The following TMEM132C variants were observed in gnomAD, a reference collection of about 807,000 sequenced individuals.
TMEM132C encodes the protein transmembrane protein 132C.
TMEM132C carries 29 observed loss-of-function variants against 61.4 expected under a neutral mutation model. The ratio of observed to expected loss-of-function variants is 0.47; its 90% CI spans 0.35 to 0.64. The LOEUF (loss-of-function observed/expected upper bound fraction) is 0.64. Among genes scored for constraint, TMEM132C ranks in the 30% least tolerant of loss-of-function variants. The probability of loss-of-function intolerance (pLI) is 0.00; values close to 1 mark genes in which losing one functional copy is unlikely to be tolerated. For synonymous variants in TMEM132C, 656 were observed against 633.1 expected, an observed-to-expected ratio of 1.04 and a Z score of -0.54; for missense variants, 1,408 against 1,476.9, an observed-to-expected ratio of 0.95 and a Z score of 0.76.
At chr12:128,670,190 A>G (rs7966189) in intron 5 of TMEM132C, among the ~76,000 whole-genome samples, 47,432 of 152,008 alleles carry the variant, frequency 0.31, 7,809 homozygotes, top group African/African-American at 0.43. Flanking sequence ...CACACCTGTA[A>G]TCCCAGTACT....
intron 2 of TMEM132C, among the ~76,000 whole-genome samples, chr12:128,531,305 G>T (rs1304388534): frequency 6.6e-6 from 1 of 152,200 alleles, no homozygotes; most frequent in African/African-American, 2.4e-5. Context: ...AATGGTAAAA[G>T]GCAGCAAAAG....
intron 1 of TMEM132C, among the ~76,000 whole-genome samples, chr12:128,270,183 T>G (rs971582914): frequency 6.6e-6 from 1 of 152,230 alleles, no homozygotes; most frequent in Non-Finnish European, 1.5e-5. Flanking sequence ...TAGTCACATA[T>G]GAGACCTTCT....
At chr12:128,597,346 C>T (rs1181585128) in intron 3 of TMEM132C, among the ~76,000 whole-genome samples, 6 of 152,004 alleles carry the variant, frequency 3.9e-5, no homozygotes, top group Non-Finnish European at 8.8e-5. Context: ...GGTATGGTGG[C>T]ACACACCAGT....
intron 1 of TMEM132C, among the ~76,000 whole-genome samples, chr12:128,321,861 T>C (rs574130621): frequency 1.8e-4 from 28 of 152,328 alleles, no homozygotes; most frequent in African/African-American, 6.7e-4. Flanking sequence ...AGATCACCTC[T>C]TTGGCCTATT....
chr12:128,363,937 C>G (rs1873783227), intron 1 of TMEM132C, among the ~76,000 whole-genome samples: 1 of 151,068 alleles, frequency 6.6e-6, no homozygotes. Context: ...ATTCCAATAA[C>G]TACAACCCAG....
At chr12:128,314,638 AAGGAG>A (rs1026599271) in intron 1 of TMEM132C, among the ~76,000 whole-genome samples, 1 of 152,238 alleles carries the variant, frequency 6.6e-6, no homozygotes, top group African/African-American at 2.4e-5. Flanking sequence ...GTATGTTTAT[AAGGAG>A]AGGAGAGGAG....
At chr12:128,604,115 G>A (rs970865403) in intron 3 of TMEM132C, among the ~76,000 whole-genome samples, 1 of 152,184 alleles carries the variant, frequency 6.6e-6, no homozygotes, top group African/African-American at 2.4e-5. Context: ...TATGAGTCAG[G>A]GTTCCCCAGA....
At chr12:128,356,556 A>G (rs1263153517) in intron 1 of TMEM132C, among the ~76,000 whole-genome samples, 3 of 152,240 alleles carry the variant, frequency 2.0e-5, no homozygotes, top group East Asian at 3.8e-4. Context: ...CCCAGATACT[A>G]GAGTTAAAAC....
intron 3 of TMEM132C, among the ~76,000 whole-genome samples, chr12:128,609,665 A>C (rs1294708912): frequency 6.6e-6 from 1 of 151,984 alleles, no homozygotes. Context: ...GTTATCCCAC[A>C]CCCTGAACTA....
Position 128,665,845 on chromosome 12 carries a change from G to GCACA in TMEM132C, c.1306-3561_1306-3558dup, listed in dbSNP as rs61721549. ...TTCACAGGCACTCACACAAACACAG[G>GCACA]CACACACACACACATACACACAGGC... On this transcript the variant is annotated intron_variant, in intron 4 of 8. Coordinates refer to ENST00000435159, the MANE Select transcript of TMEM132C (RefSeq NM_001136103.3). Among the ~76,000 whole-genome samples the GCACA allele has an allele frequency of 2.3e-3, 213 of 92,556 alleles. 3 individuals carry two copies. Among genetic ancestry groups the GCACA allele is most frequent in the African/African-American group, 7.6e-3 (169 of 22,138 alleles). 60.7% of individuals were successfully genotyped at this position (92,556 alleles called of 152,430 possible).
chr12:128,315,805 G>C (rs1159148457), intron 1 of TMEM132C, among the ~76,000 whole-genome samples: 1 of 151,958 alleles, frequency 6.6e-6, no homozygotes, highest in African/African-American at 2.4e-5. Context: ...AGAGAGACAG[G>C]AGGAGAAGGC....
intron 1 of TMEM132C, among the ~76,000 whole-genome samples, chr12:128,307,900 AG>A (rs1828785269): frequency 6.6e-6 from 1 of 152,102 alleles, no homozygotes; most frequent in South Asian, 2.1e-4. Context: ...GCTTTACTTT[AG>A]GGGAGCTGCC....
chr12:128,457,489 T>C (rs1870385162), intron 2 of TMEM132C, among the ~76,000 whole-genome samples: 1 of 148,534 alleles, frequency 6.7e-6, no homozygotes, highest in South Asian at 2.1e-4. Context: ...GGCAGGAGAA[T>C]GGCATGAACC....
intron 3 of TMEM132C, among the ~76,000 whole-genome samples, chr12:128,564,301 G>T (rs191759271): frequency 6.6e-6 from 1 of 152,280 alleles, no homozygotes; most frequent in East Asian, 1.9e-4. Flanking sequence ...AGATATGCGG[G>T]TCACAACACC....
At chr12:128,692,268 G>C (rs976841065) in intron 5 of TMEM132C, among the ~76,000 whole-genome samples, 1 of 152,186 alleles carries the variant, frequency 6.6e-6, no homozygotes, top group African/African-American at 2.4e-5. Context: ...CTGTTCATCT[G>C]TCTATCCATC....
At chr12:128,484,568 T>C (rs1367727694) in intron 2 of TMEM132C, among the ~76,000 whole-genome samples, 3 of 152,098 alleles carry the variant, frequency 2.0e-5, no homozygotes, top group Non-Finnish European at 4.4e-5. Flanking sequence ...TAGTGGGAGA[T>C]AGAATGGCCG....
intron 1 of TMEM132C, among the ~76,000 whole-genome samples, chr12:128,281,032 C>T (rs1307657641): frequency 6.6e-6 from 1 of 152,126 alleles, no homozygotes; most frequent in Non-Finnish European, 1.5e-5. Context: ...GTGATCAACA[C>T]AGGTCACAGG....
chr12:128,308,744 C>T (rs1305105097), intron 1 of TMEM132C, among the ~76,000 whole-genome samples: 1 of 152,170 alleles, frequency 6.6e-6, no homozygotes, highest in Non-Finnish European at 1.5e-5. Flanking sequence ...GAAGCATCAG[C>T]TGAGCACCGT....
intron 3 of TMEM132C, among the ~76,000 whole-genome samples, chr12:128,608,397 C>G (rs1876500856): frequency 6.6e-6 from 1 of 152,210 alleles, no homozygotes; most frequent in African/African-American, 2.4e-5. Context: ...AAAGCAAGAT[C>G]TCTGAGATGG....
Sources: allele counts gnomAD v4.1 joint callset (sites outside exome capture counted in the v4.1 genomes callset), GRCh38; gene constraint gnomAD v4.1.1; transcripts MANE v1.5; gene names NCBI Gene and HGNC (gene_info 2026-07-23, HGNC 2026-07-21).